The following HS3ST5 variants were observed in gnomAD, a reference collection of about 807,000 sequenced individuals.
The protein encoded by HS3ST5 is heparan sulfate glucosamine 3-O-sulfotransferase 5.
A neutral mutation model predicts 25.4 loss-of-function variants in HS3ST5; 10 were observed. The ratio of observed to expected loss-of-function variants is 0.39; its 90% CI spans 0.24 to 0.67. The LOEUF (loss-of-function observed/expected upper bound fraction) is 0.67, where lower values mean the gene tolerates loss of function less well. Ranked by LOEUF, HS3ST5 falls within the 30% of genes least tolerant of loss-of-function variation. HS3ST5 has a pLI of 0.44. For synonymous variants in HS3ST5, 170 were observed against 162.4 expected (o/e 1.05, Z -0.36); for missense variants, 324 against 420.7 (o/e 0.77, Z 2.01).
chr6:114,117,901 G>A (rs1273994083), intron 3 of HS3ST5, among the ~76,000 whole-genome samples: 1 of 143,330 alleles, frequency 7.0e-6, no homozygotes, highest in East Asian at 2.1e-4. Flanking sequence ...GGAATTCAGA[G>A]TGCAACAAAT....
intron 1 of HS3ST5, among the ~76,000 whole-genome samples, chr6:114,325,172 C>T (rs866569398): frequency 7.2e-5 from 11 of 152,176 alleles, no homozygotes; most frequent in African/African-American, 2.7e-4. Context: ...AGAAATTTGG[C>T]TTGAGGCTGA....
chr6:114,323,068 T>G (rs1285902830), intron 1 of HS3ST5, among the ~76,000 whole-genome samples: 1 of 152,118 alleles, frequency 6.6e-6, no homozygotes, highest in African/African-American at 2.4e-5. Flanking sequence ...CAACTTGCAA[T>G]ACACACATAG....
chr6:114,249,499 G>A (rs922333066), intron 1 of HS3ST5, among the ~76,000 whole-genome samples: 1 of 152,186 alleles, frequency 6.6e-6, no homozygotes, highest in African/African-American at 2.4e-5. Context: ...ACCCTGCACT[G>A]TAATGGATGC....
At chr6:114,183,655 G>A (rs1439472356) in intron 2 of HS3ST5, among the ~76,000 whole-genome samples, 1 of 152,162 alleles carries the variant, frequency 6.6e-6, no homozygotes, top group African/African-American at 2.4e-5. Context: ...AGTGGGCATT[G>A]GGTAATAAGT....
At chr6:114,271,751 G>C (rs1773646789) in intron 1 of HS3ST5, among the ~76,000 whole-genome samples, 1 of 151,904 alleles carries the variant, frequency 6.6e-6, no homozygotes, top group Non-Finnish European at 1.5e-5. Context: ...TTTAAGATAA[G>C]CCTTTGTATT....
At chr6:114,214,513 G>A (rs755420220) in intron 2 of HS3ST5, among the ~76,000 whole-genome samples, 5 of 152,210 alleles carry the variant, frequency 3.3e-5, no homozygotes, top group Non-Finnish European at 5.9e-5. Flanking sequence ...TAAGTTTCCC[G>A]TAAGATTTGT....
rs939638075 is a variant in HS3ST5, at chr6:114,158,082, G to A, written c.-33+10269C>T. 7.2e-5 allele frequency among the ~76,000 whole-genome samples: 11 copies of A among 152,162 alleles called. 1 individual carries two copies. Among genetic ancestry groups the A allele is most frequent in the African/African-American group, 2.4e-5 (1 of 41,430 alleles). On this transcript the variant is annotated intron_variant, in intron 3 of 4. Coordinates refer to ENST00000312719, the MANE Select transcript of HS3ST5 (RefSeq NM_153612.4). ...AGCGCCTCCACTGTGCAAACTCATT[G>A]TGTCTGGATCCTCCCTTCATGCCTG...
At chr6:114,336,619 T>A (rs944076788) in intron 1 of HS3ST5, among the ~76,000 whole-genome samples, 1 of 151,900 alleles carries the variant, frequency 6.6e-6, no homozygotes, top group African/African-American at 2.4e-5. Flanking sequence ...ATAATAATAA[T>A]AATAATAATT....
chr6:114,256,291 G>C (rs1772913950), intron 1 of HS3ST5, among the ~76,000 whole-genome samples: 1 of 151,888 alleles, frequency 6.6e-6, no homozygotes, highest in Non-Finnish European at 1.5e-5. Context: ...GGGAGGCTGA[G>C]GCAGGAGAAT....
rs755204858 is a variant in HS3ST5, at chr6:114,088,563, A to G, written c.-32-25686T>C. On this transcript the variant is annotated intron_variant, in intron 3 of 4. Transcript: ENST00000312719. ...ATTGTATATTTATCTTGTCTCATCT[A>G]TTACGTTATAAGTACTTAGAAGATA... 3.3e-5 allele frequency among the ~76,000 whole-genome samples: 5 copies of G among 152,104 alleles called. No individual in the cohort carries two copies. The East Asian group carries it at 9.6e-4, about 29-fold the overall frequency.
chr6:114,145,293 A>C (rs1480171643), intron 3 of HS3ST5, among the ~76,000 whole-genome samples: 1 of 152,206 alleles, frequency 6.6e-6, no homozygotes, highest in African/African-American at 2.4e-5. Flanking sequence ...CTCACACTGA[A>C]ATTTCATCAT....
chr6:114,140,475 C>T (rs764990793), intron 3 of HS3ST5, among the ~76,000 whole-genome samples: 23 of 152,190 alleles, frequency 1.5e-4, no homozygotes, highest in Non-Finnish European at 2.9e-5. Flanking sequence ...ATTTGAGATG[C>T]ATTACATGTT....
rs934446145 is a variant in HS3ST5, at chr6:114,129,307, G to T, written c.-33+39044C>A. Among the ~76,000 whole-genome samples the T allele has an allele frequency of 1.2e-4, 17 of 139,360 alleles. No homozygotes were observed. In the Admixed American group the frequency reaches 1.3e-3, roughly 11 times the overall value. The allele number at this position is 139,360 out of a possible 152,430, so 91.4% of individuals were successfully genotyped here. ...GTCTTGCTCTGTTGCCCAGGCTGCA[G>T]TGCAGTGGCACAATCTTGGCTCACT... is the stretch of plus-strand genomic sequence containing the variant. On this transcript the variant is annotated intron_variant, in intron 3 of 4. Transcript: ENST00000312719.
At chr6:114,313,587 G>T (rs570407022) in intron 1 of HS3ST5, among the ~76,000 whole-genome samples, 1 of 152,128 alleles carries the variant, frequency 6.6e-6, no homozygotes, top group Non-Finnish European at 1.5e-5. Context: ...TAGAAATGAC[G>T]TTCTAGAACA....
At chr6:114,256,908 A>G (rs1436957119) in intron 1 of HS3ST5, among the ~76,000 whole-genome samples, 1 of 152,226 alleles carries the variant, frequency 6.6e-6, no homozygotes, top group East Asian at 1.9e-4. Flanking sequence ...AAGAAAAAAA[A>G]GGTTTAATGG....
At chr6:114,142,040 T>G (rs957127320) in intron 3 of HS3ST5, among the ~76,000 whole-genome samples, 1 of 152,150 alleles carries the variant, frequency 6.6e-6, no homozygotes, top group Non-Finnish European at 1.5e-5. Context: ...GTAATATTCA[T>G]GATATTTCTT....
At chr6:114,122,171 C>T (rs1405546556) in intron 3 of HS3ST5, among the ~76,000 whole-genome samples, 1 of 152,170 alleles carries the variant, frequency 6.6e-6, no homozygotes, top group Non-Finnish European at 1.5e-5. Context: ...CTGACAGTTT[C>T]CAGAATGTGT....
At chr6:114,204,423 T>C (rs188837044) in intron 2 of HS3ST5, among the ~76,000 whole-genome samples, 7 of 152,302 alleles carry the variant, frequency 4.6e-5, no homozygotes, top group South Asian at 2.1e-4. Context: ...ACTCTTTTAT[T>C]TTCTTCCTTA....
chr6:114,215,808 A>G (rs1322991210), intron 2 of HS3ST5, among the ~76,000 whole-genome samples: 4 of 152,170 alleles, frequency 2.6e-5, no homozygotes, highest in African/African-American at 9.7e-5. Context: ...CCTCCTCATT[A>G]CTGTTGTACA....
Sources: allele counts gnomAD v4.1 joint callset (sites outside exome capture counted in the v4.1 genomes callset), GRCh38; gene constraint gnomAD v4.1.1; transcripts MANE v1.5; gene names NCBI Gene and HGNC (gene_info 2026-07-23, HGNC 2026-07-21).